Variants in SLC25A35 observed in about 807,000 individuals in gnomAD.
SLC25A35 encodes the protein solute carrier family 25 member 35.
SLC25A35 carries 32 observed loss-of-function variants against 30.5 expected under a neutral mutation model. The ratio of observed to expected loss-of-function variants is 1.05; its 90% CI spans 0.79 to 1.41. The LOEUF is 1.41. Among genes scored for constraint, SLC25A35 ranks in the 40% most tolerant of loss-of-function variants. SLC25A35 has a pLI of 0.00. For synonymous variants in SLC25A35, 142 were observed against 158.1 expected (o/e 0.90, Z 0.77); for missense variants, 369 against 388.0 (o/e 0.95, Z 0.41).
intron 1 of SLC25A35, among the ~76,000 whole-genome samples, chr17:8,293,875 G>A (rs941244952): frequency 6.8e-6 from 1 of 147,988 alleles, no homozygotes; most frequent in East Asian, 2.0e-4. Context: ...TTCAAAGCCA[G>A]GATTTTAGTT....
chr17:8,289,474 G>C, downstream of SLC25A35: 1 of 1,614,152 alleles, frequency 6.2e-7, no homozygotes, highest in Admixed American at 1.7e-5. Flanking sequence ...CAGAGATCCA[G>C]GTAAGCATCC....
chr17:8,290,875 C>A lies in SLC25A35; in HGVS notation c.696G>T (p.Arg232Ser), dbSNP rs781665693. ...GTGCATCTGTGGGCTGGTTGTAGAG[C>A]CTTGTGCAGGCCACATCAAAGGGTG... ...AMAPFDVACT[R>S]LYNQPTDAQG... Residue 232 changes from arginine to serine, a missense_variant, in exon 4 of 5, where the codon AGG becomes AGT. Arg to Ser is a moderately radical substitution (Grantham distance 110). Transcript: ENST00000577745. 2.9e-5 allele frequency: 47 copies of A among 1,614,112 alleles called. No individual in the cohort carries two copies. Among genetic ancestry groups the A allele is most frequent in the Non-Finnish European group, 3.9e-5 (46 of 1,179,998 alleles).
At chr17:8,293,550 TTC>T (rs1171294339) in intron 1 of SLC25A35, among the ~76,000 whole-genome samples, 1 of 133,844 alleles carries the variant, frequency 7.5e-6, no homozygotes, top group Non-Finnish European at 1.6e-5. Flanking sequence ...TTTCTTTCTT[TTC>T]TTTTTTTTTT....
chr17:8,294,162 G>A (rs1342294153), intron 1 of SLC25A35, among the ~76,000 whole-genome samples: 4 of 152,064 alleles, frequency 2.6e-5, no homozygotes, highest in African/African-American at 7.2e-5. Context: ...TGATCCGCCC[G>A]CCTTGGCCTC....
chr17:8,289,687 A>G (rs150430822), downstream of SLC25A35: 151 of 1,608,892 alleles, frequency 9.4e-5, 1 homozygote, highest in East Asian at 1.9e-3. Context: ...GGATCCTCCA[A>G]GGAAGCAGGA....
At chr17:8,289,298 G>A (rs1567656723), downstream of SLC25A35, 1 of 1,614,042 alleles carries the variant, frequency 6.2e-7, no homozygotes, top group South Asian at 1.1e-5. Context: ...GGGGGCTAGG[G>A]CTGTCCATGT....
chr17:8,288,574 G>A, downstream of SLC25A35: 2 of 626,590 alleles, frequency 3.2e-6, no homozygotes, highest in Non-Finnish European at 2.8e-6. Context: ...TCCTAAGAGC[G>A]CGGCTTCCGG....
At position 8,291,421 on chromosome 17, in the gene SLC25A35, G is replaced by A. The variant is rs768070992; in HGVS notation, c.506C>T (p.Ala169Val). Residue 169 changes from alanine to valine, a missense_variant, in exon 3 of 5, where the codon GCT (alanine) becomes GTT (valine). By Grantham distance (64) the Ala-to-Val change is moderately conservative. Coordinates refer to ENST00000577745, the MANE Select transcript of SLC25A35 (RefSeq NM_001320870.2). ...KHGLVGLWRG[A>V]LGGLPRVIVG... ...GATAACTCGGGGCAGGCCGCCCAGA[G>A]CCCCACGCCATAACCCCACCAGACC... 1.7e-5 allele frequency: 27 copies of A among 1,614,080 alleles called. 1 individual carries two copies. In the Admixed American group the frequency reaches 4.5e-4, roughly 27 times the overall value.
Position 8,295,113 on chromosome 17 carries a change from C to G in SLC25A35, c.-306G>C. On this transcript the variant is annotated 5_prime_UTR_variant, in exon 1 of 5. Coordinates refer to ENST00000577745, the MANE Select transcript of SLC25A35 (RefSeq NM_001320870.2). Reference sequence around the variant, plus strand: ...AGACAGAAGGTTGCAGGTGGGATGGCTCAGGATGGCGGGCGACGGGAGCAC... The same window carrying G: ...AGACAGAAGGTTGCAGGTGGGATGGGTCAGGATGGCGGGCGACGGGAGCAC... The G allele has an allele frequency of 9.0e-7, 1 of 1,109,474 alleles. No homozygotes were observed. Among genetic ancestry groups the G allele is most frequent in the Non-Finnish European group, 1.1e-6 (1 of 908,178 alleles). The allele number at this position is 1,109,474 out of a possible 1,614,324, so 68.7% of individuals were successfully genotyped here.
At chr17:8,292,444 G>T in intron 2 of SLC25A35, 79 bp downstream of exon 2, 1 of 1,397,302 alleles carries the variant, frequency 7.2e-7, no homozygotes. Context: ...GCTGGGATTG[G>T]ATCTGTTGGG....
downstream of SLC25A35, chr17:8,289,383 G>A (rs557355667): frequency 6.2e-7 from 1 of 1,614,106 alleles, no homozygotes; most frequent in Admixed American, 1.7e-5. Context: ...GTCCTCTCTG[G>A]CAAGCAGCAG....
In SLC25A35 at chr17:8,294,696, T is replaced by C; in HGVS notation, c.112A>G (p.Thr38Ala). ...QLQGELQAPGTYQRHYRNVFH... is the reference protein window; with the variant it reads ...QLQGELQAPGAYQRHYRNVFH... ...ACATTTCGGTAGTGCCGCTGGTATG[T>C]GCCAGGGGCCTGCAGTTCTCCTTGC... The change falls in exon 1 of 5, where the codon ACA becomes GCA. Residue 38 changes from threonine to alanine, a missense_variant. Coordinates refer to ENST00000577745, the MANE Select transcript of SLC25A35 (RefSeq NM_001320870.2). 1.9e-6 allele frequency: 3 copies of C among 1,614,216 alleles called. No individual in the cohort carries two copies. Among genetic ancestry groups the C allele is most frequent in the Non-Finnish European group, 2.5e-6 (3 of 1,180,048 alleles).
At chr17:8,289,250 T>C (rs759290954), downstream of SLC25A35, 5 of 1,613,110 alleles carry the variant, frequency 3.1e-6, no homozygotes, top group Non-Finnish European at 3.4e-6. Context: ...CCCGCTTCCC[T>C]ACTCCAGGTA....
chr17:8,290,594 C>A lies in SLC25A35; in HGVS notation c.814G>T (p.Ala272Ser). The change falls in exon 5 of 5, where the codon GCC becomes TCC. Residue 272 changes from alanine to serine, a missense_variant. Ala to Ser is a moderately conservative substitution (Grantham distance 99). Coordinates refer to ENST00000577745, the MANE Select transcript of SLC25A35 (RefSeq NM_001320870.2). Reference protein sequence around the residue: ...GIFGMYKGIGASYFRLGPHTI... With the variant: ...GIFGMYKGIGSSYFRLGPHTI... Reference sequence around the variant, plus strand: ...TGGGGGCCGAGGCGGAAGTAGGAGGCACCTATACCCTTGTACATGCCAAAA... The same window carrying A: ...TGGGGGCCGAGGCGGAAGTAGGAGGAACCTATACCCTTGTACATGCCAAAA... 6.5e-7 allele frequency: 1 copy of A among 1,536,356 alleles called. No individual in the cohort carries two copies. Among genetic ancestry groups the A allele is most frequent in the Non-Finnish European group, 8.7e-7 (1 of 1,146,960 alleles).
Position 8,294,777 on chromosome 17 carries a change from A to G in SLC25A35, c.31T>C (p.Cys11Arg), listed in dbSNP as rs750437639. Residue 11 changes from cysteine (C) to arginine (R), a missense_variant, in exon 1 of 5, where the codon TGC becomes CGC. By Grantham distance (180) the Cys-to-Arg change is radical. Transcript: ENST00000577745. MDFLMSGLAACGACVFTNPLE... is the reference protein window; with the variant it reads MDFLMSGLAARGACVFTNPLE... ...GGATTGGTGAATACACAGGCCCCGC[A>G]GGCTGCCAGGCCACTCATCAAGAAG... 15 of 1,595,542 alleles carry G rather than the reference A, an allele frequency of 9.4e-6. No individual in the cohort carries two copies. The highest frequency in any genetic ancestry group is 1.2e-5 in the Non-Finnish European group (14 of 1,168,326).
At position 8,290,644 on chromosome 17, in the gene SLC25A35, A is replaced by C; in HGVS notation, c.764T>G (p.Leu255Arg). 3 of 1,552,220 alleles carry C rather than the reference A, an allele frequency of 1.9e-6. No homozygotes were observed. The highest frequency in any genetic ancestry group is 2.6e-6 in the Non-Finnish European group (3 of 1,154,902). ...LMYRGILDAL[L>R]QTARTEGIFG... is the part of the protein sequence containing the mutation. ...AATGCCCTCGGTCCGAGCTGTCTGC[A>C]GCAGAGCGTCCAGTATCCCCCGGTA... The change falls in exon 5 of 5, where the codon CTG becomes CGG. Residue 255 changes from leucine to arginine, a missense_variant. By Grantham distance (102) the Leu-to-Arg change is moderately radical. Transcript: ENST00000577745.
rs766693619 is a variant in SLC25A35 at position 8,292,522 on chromosome 17, C to T, written c.441+1G>A. On this transcript the variant is annotated splice_donor_variant, in intron 2 of 4. Coordinates refer to ENST00000577745, the MANE Select transcript of SLC25A35 (RefSeq NM_001320870.2). LOFTEE classifies it high-confidence loss of function. ...ACTTTGGCAGACTTGGGAACCCTCACCTGATGCTTATACTGGTGCCCTACA... is the reference window on the plus strand; with the variant it reads ...ACTTTGGCAGACTTGGGAACCCTCATCTGATGCTTATACTGGTGCCCTACA... 2.5e-6 allele frequency: 4 copies of T among 1,613,982 alleles called. No individual in the cohort carries two copies. Among genetic ancestry groups the T allele is most frequent in the Admixed American group, 1.7e-5 (1 of 59,998 alleles).
rs142881743 is a variant in SLC25A35 at position 8,290,815 on chromosome 17, C to T, written c.729+27G>A. On this transcript the variant is annotated intron_variant, in intron 4 of 4. Coordinates refer to ENST00000577745, the MANE Select transcript of SLC25A35 (RefSeq NM_001320870.2). ...TCTGCCTTCCCCATCCCCTGCTTCCCGCCTGCATCCCAGAGCACTTCCTTA... is the reference window on the plus strand; with the variant it reads ...TCTGCCTTCCCCATCCCCTGCTTCCTGCCTGCATCCCAGAGCACTTCCTTA... 99 of 1,609,042 alleles carry T rather than the reference C, an allele frequency of 6.2e-5. No individual in the cohort carries two copies. The East Asian group carries it at 1.6e-3, about 26-fold the overall frequency.
chr17:8,288,949 A>T, downstream of SLC25A35: 1 of 1,613,774 alleles, frequency 6.2e-7, no homozygotes, highest in Non-Finnish European at 8.5e-7. Flanking sequence ...GCCTCGCCTC[A>T]CTCCAGCGAC....
Sources: allele counts gnomAD v4.1 joint callset (sites outside exome capture counted in the v4.1 genomes callset), GRCh38; gene constraint gnomAD v4.1.1; transcripts MANE v1.5; gene names NCBI Gene and HGNC (gene_info 2026-07-23, HGNC 2026-07-21).